PDHX: variants seen among roughly 807,000 people sequenced by gnomAD.
The protein encoded by PDHX is pyruvate dehydrogenase complex component X.
A neutral mutation model predicts 55.3 loss-of-function variants in PDHX; 33 were observed. The ratio of observed to expected loss-of-function variants is 0.60; its 90% CI spans 0.45 to 0.80. The LOEUF (loss-of-function observed/expected upper bound fraction) is 0.80. PDHX is among the 30% of genes least tolerant of loss of function. PDHX has a pLI of 0.00. For synonymous variants in PDHX, 226 were observed against 219.4 expected, an observed-to-expected ratio of 1.03 and a Z score of -0.27; for missense variants, 622 against 619.9, an observed-to-expected ratio of 1.00 and a Z score of -0.04.
At chr11:34,943,289 G>C (rs1486058540) in intron 2 of PDHX, among the ~76,000 whole-genome samples, 2 of 152,170 alleles carry the variant, frequency 1.3e-5, no homozygotes, top group African/African-American at 4.8e-5. Flanking sequence ...TAGGAATCTG[G>C]AATATGAACA....
At position 34,957,366 on chromosome 11, in the gene PDHX, C is replaced by T; in HGVS notation, c.343-18C>T. ...ATGGGGTTTTACTTCTCTACAGTTACTTCTTTTTTAAATATAGGTTGAAGA... is the reference window on the plus strand; with the variant it reads ...ATGGGGTTTTACTTCTCTACAGTTATTTCTTTTTTAAATATAGGTTGAAGA... On this transcript the variant is annotated intron_variant, in intron 3 of 10. Coordinates refer to ENST00000227868, the MANE Select transcript of PDHX (RefSeq NM_003477.3). 6.6e-7 allele frequency: 1 copy of T among 1,516,216 alleles called. No individual in the cohort carries two copies. Among genetic ancestry groups the T allele is most frequent in the Non-Finnish European group, 9.2e-7 (1 of 1,090,844 alleles). 93.9% of individuals were successfully genotyped at this position (1,516,216 alleles called of 1,614,324 possible).
intron 3 of PDHX, among the ~76,000 whole-genome samples, chr11:34,948,218 A>G (rs1854670250): frequency 6.6e-6 from 1 of 152,170 alleles, no homozygotes. Context: ...TTGCTCAATA[A>G]ATGTTACTTT....
intron 5 of PDHX, among the ~76,000 whole-genome samples, chr11:34,965,639 A>G (rs1855114680): frequency 6.6e-6 from 1 of 152,166 alleles, no homozygotes; most frequent in Non-Finnish European, 1.5e-5. Context: ...CATGTACACC[A>G]GGGGCAGGAA....
At chr11:34,938,946 T>G (rs1854404645) in intron 2 of PDHX, among the ~76,000 whole-genome samples, 1 of 152,234 alleles carries the variant, frequency 6.6e-6, no homozygotes, top group Non-Finnish European at 1.5e-5. Flanking sequence ...CAAAACACAG[T>G]AAATAATTGA....
At position 34,995,594 on chromosome 11, in the gene PDHX, T is replaced by C. The variant is rs1371505561; in HGVS notation, c.*422T>C. 4.0e-6 allele frequency: 1 copy of C among 251,020 alleles called. No individual in the cohort carries two copies. Among genetic ancestry groups the C allele is most frequent in the Non-Finnish European group, 7.8e-6 (1 of 127,682 alleles). The allele number at this position is 251,020 out of a possible 1,614,324, so 15.5% of individuals were successfully genotyped here. The stretch of plus-strand genomic sequence containing the variant: ...GAAGTGATCTTCAAAGAGATGGCCA[T>C]TAACTTAGCAGTGGGACCTCACTTT... On this transcript the variant is annotated 3_prime_UTR_variant, in exon 11 of 11. Transcript: ENST00000227868.
intron 9 of PDHX, among the ~76,000 whole-genome samples, chr11:34,989,482 A>T (rs1009627687): frequency 2.6e-5 from 4 of 152,208 alleles, no homozygotes; most frequent in African/African-American, 9.7e-5. Context: ...GGTCTTAGCA[A>T]GTAGGCAGTG....
intron 10 of PDHX, 101 bp downstream of exon 10, chr11:34,992,480 T>A: frequency 1.4e-6 from 1 of 694,030 alleles, no homozygotes; most frequent in Non-Finnish European, 2.5e-6. Context: ...TTTTTTAAAA[T>A]TTAAGCTAAA....
intron 8 of PDHX, among the ~76,000 whole-genome samples, chr11:34,980,363 T>TTTTTTTTTTTTTTTG (rs1431283297): frequency 1.4e-5 from 2 of 139,990 alleles, no homozygotes; most frequent in Admixed American, 7.2e-5. Context: ...TTTTTTTTTT[T>TTTTTTTTTTTTTTTG]TTTGAGCAGC....
At chr11:34,958,860 C>T (rs560153791) in intron 4 of PDHX, among the ~76,000 whole-genome samples, 5 of 152,222 alleles carry the variant, frequency 3.3e-5, no homozygotes, top group African/African-American at 1.2e-4. Context: ...ACTCTGCATA[C>T]TGTTGGGCAC....
chr11:34,959,988 T>C (rs184079722), intron 4 of PDHX, among the ~76,000 whole-genome samples: 2 of 152,290 alleles, frequency 1.3e-5, no homozygotes, highest in East Asian at 3.9e-4. Flanking sequence ...GGTTGCACAA[T>C]AGTGTGATTG....
At chr11:34,993,876 G>C (rs1855807552) in intron 10 of PDHX, among the ~76,000 whole-genome samples, 1 of 152,126 alleles carries the variant, frequency 6.6e-6, no homozygotes, top group African/African-American at 2.4e-5. Context: ...TGTGAATATG[G>C]TAGAAACCAT....
At chr11:34,935,725 CCA>C (rs1854293126) in intron 2 of PDHX, among the ~76,000 whole-genome samples, 1 of 152,128 alleles carries the variant, frequency 6.6e-6, no homozygotes, top group African/African-American at 2.4e-5. Context: ...TCCCCCACAG[CCA>C]TTATTATGCG....
chr11:34,952,540 G>C (rs186234756), intron 3 of PDHX, among the ~76,000 whole-genome samples: 6,727 of 149,866 alleles, frequency 0.045, 486 homozygotes, highest in African/African-American at 0.16. Flanking sequence ...TTCAAGATAC[G>C]CAAATCAATA....
intron 2 of PDHX, among the ~76,000 whole-genome samples, chr11:34,935,203 G>T (rs748451313): frequency 6.6e-6 from 1 of 151,772 alleles, no homozygotes; most frequent in Non-Finnish European, 1.5e-5. Context: ...TTTAAAGGTT[G>T]TGCATAGTGC....
At chr11:34,946,091 G>A (rs571838876) in intron 2 of PDHX, among the ~76,000 whole-genome samples, 2 of 152,020 alleles carry the variant, frequency 1.3e-5, no homozygotes, top group African/African-American at 2.4e-5. Flanking sequence ...TTTGTTTTTT[G>A]TTTTTAATGT....
upstream of PDHX, chr11:34,916,307 G>C (rs764543470): frequency 1.1e-5 from 18 of 1,610,520 alleles, no homozygotes; most frequent in Admixed American, 1.7e-5. Flanking sequence ...GGACCCGCGC[G>C]GCCTCCAATC....
intron 7 of PDHX, among the ~76,000 whole-genome samples, chr11:34,971,898 G>T (rs970699881): frequency 1.3e-5 from 2 of 151,734 alleles, no homozygotes; most frequent in Non-Finnish European, 2.9e-5. Context: ...TTATGGGAAG[G>T]TTTTTAACTA....
intron 1 of PDHX, among the ~76,000 whole-genome samples, chr11:34,919,550 C>T (rs1215715731): frequency 6.6e-6 from 1 of 152,114 alleles, no homozygotes; most frequent in Non-Finnish European, 1.5e-5. Context: ...TCTCACATAA[C>T]CTAGTAAAGT....
intron 6 of PDHX, among the ~76,000 whole-genome samples, chr11:34,969,766 T>TTG (rs375507777): frequency 1.3e-5 from 2 of 152,006 alleles, no homozygotes; most frequent in African/African-American, 4.8e-5. Context: ...ATATTGCTCC[T>TTG]TGTGTGTGTG....
Sources: allele counts gnomAD v4.1 joint callset (sites outside exome capture counted in the v4.1 genomes callset), GRCh38; gene constraint gnomAD v4.1.1; transcripts MANE v1.5; gene names NCBI Gene and HGNC (gene_info 2026-07-23, HGNC 2026-07-21).